HECTD4: variants seen among roughly 807,000 people sequenced by gnomAD.
The protein encoded by HECTD4 is probable E3 ubiquitin-protein ligase HECTD4.
A neutral mutation model predicts 471.5 loss-of-function variants in HECTD4; 114 were observed. That is an observed-to-expected ratio of 0.24 (90% CI 0.21 to 0.28). HECTD4 has a LOEUF of 0.28. Ranked by LOEUF, HECTD4 falls within the 10% of genes least tolerant of loss-of-function variation. The pLI is 1.00. For missense variants in HECTD4, 3,866 were observed against 5,651.5 expected, an observed-to-expected ratio of 0.68 and a Z score of 10.13; for synonymous variants, 2,012 against 2,256.0, an observed-to-expected ratio of 0.89 and a Z score of 3.07.
chr12:112,264,357 T>G, intron 16 of HECTD4, 145 bp from the exon 17 acceptor site: 2 of 671,532 alleles, frequency 3.0e-6, no homozygotes, highest in Non-Finnish European at 4.6e-6. Context: ...AGGTGCCTTA[T>G]TTCCACATGG....
In HECTD4 at chr12:112,270,180, G is replaced by A. The variant is rs376973227; in HGVS notation, c.2175+47C>T. 1.6e-5 allele frequency: 25 copies of A among 1,535,838 alleles called. No individual in the cohort carries two copies. In the African/African-American group the frequency reaches 1.6e-4, roughly 10 times the overall value. ...TGAACTGGCTGAAGCCAAGGTTTGC[G>A]TTTCCTTTTCTCTATCATCTTATTT... On this transcript the variant is annotated intron_variant, in intron 12 of 75. Transcript: ENST00000682272.
At chr12:112,246,408 C>A (rs566720720) in intron 29 of HECTD4, among the ~76,000 whole-genome samples, 1 of 152,036 alleles carries the variant, frequency 6.6e-6, no homozygotes, top group Non-Finnish European at 1.5e-5. Flanking sequence ...CCAAGGTGGG[C>A]GGATCACCAG....
intron 55 of HECTD4, 127 bp downstream of exon 55, chr12:112,200,511 C>G (rs1180819449): frequency 1.4e-5 from 14 of 1,005,414 alleles, no homozygotes; most frequent in Admixed American, 6.1e-5. Flanking sequence ...TCTTTATTAG[C>G]TGCCTTCTCT....
chr12:112,285,319 C>T (rs545171605), intron 7 of HECTD4, among the ~76,000 whole-genome samples: 47 of 152,266 alleles, frequency 3.1e-4, no homozygotes, highest in African/African-American at 1.1e-3. Flanking sequence ...AGACCTCCAC[C>T]TGGAATGCTC....
At chr12:112,254,290 A>G in intron 21 of HECTD4, 128 bp from the exon 22 acceptor site, 5 of 1,182,188 alleles carry the variant, frequency 4.2e-6, no homozygotes, top group South Asian at 1.6e-5. Flanking sequence ...TTATAGTATA[A>G]CTAATATTTC....
In HECTD4 at chr12:112,185,015, C is replaced by T; in HGVS notation, c.9951G>A (p.Met3317Ile). ...SLLSKRKKVK[M>I]KREKASSSGK... The stretch of plus-strand genomic sequence containing the variant: ...CCGACGAGGAGGCCTTTTCCCGCTT[C>T]ATCTTGACTTTTTTCCTCTTGGAGA... The change falls in exon 61 of 76, where the codon ATG (methionine) becomes ATA (isoleucine). Residue 3317 changes from methionine to isoleucine, a missense_variant. This residue lies in a region of HECTD4 where 57 missense variants were observed against 49.8 expected (regional missense o/e 1.14). Transcript: ENST00000682272. 6.2e-7 allele frequency: 1 copy of T among 1,606,304 alleles called. No individual in the cohort carries two copies. The highest frequency in any genetic ancestry group is 8.5e-7 in the Non-Finnish European group (1 of 1,176,418).
At chr12:112,288,619 A>G (rs2034808639) in intron 7 of HECTD4, among the ~76,000 whole-genome samples, 1 of 152,188 alleles carries the variant, frequency 6.6e-6, no homozygotes, top group South Asian at 2.1e-4. Context: ...ATAGAGCAAC[A>G]CAATGTCTCA....
chr12:112,165,541 C>T (rs1000880192), intron 72 of HECTD4, among the ~76,000 whole-genome samples: 9 of 151,828 alleles, frequency 5.9e-5, no homozygotes, highest in African/African-American at 9.7e-5. Flanking sequence ...TTAGTAGAGA[C>T]GGGGTTTCAC....
At chr12:112,266,823 G>C in intron 14 of HECTD4, 89 bp downstream of exon 14, 1 of 730,880 alleles carries the variant, frequency 1.4e-6, no homozygotes, top group South Asian at 1.6e-5. Flanking sequence ...CATACATGAA[G>C]AAGTGTAAAT....
At position 112,309,659 on chromosome 12, in the gene HECTD4, C is replaced by A; in HGVS notation, c.927G>T (p.Leu309Phe). The part of the protein sequence containing the change: ...GSSSENKDAD[L>F]GRCLTADGLY... Reference sequence around the variant, plus strand: ...GACCATCTGCCGTGAGACAGCGTCCCAAGTCAGCATCTGAAATCGTTTTTT... The same window carrying A: ...GACCATCTGCCGTGAGACAGCGTCCAAAGTCAGCATCTGAAATCGTTTTTT... The change falls in exon 5 of 76, where the codon TTG (leucine) becomes TTT (phenylalanine). Residue 309 changes from leucine (L) to phenylalanine (F), a missense_variant. By Grantham distance (22) the Leu-to-Phe change is conservative (BLOSUM62 0). Transcript: ENST00000682272. The A allele has an allele frequency of 6.6e-7, 1 of 1,517,298 alleles. No individual in the cohort carries two copies. Among genetic ancestry groups the A allele is most frequent in the Non-Finnish European group, 8.8e-7 (1 of 1,132,706 alleles). 94.0% of individuals were successfully genotyped at this position (1,517,298 alleles called of 1,614,324 possible).
At position 112,185,023 on chromosome 12, in the gene HECTD4, C is replaced by T; in HGVS notation, c.9943G>A (p.Val3315Ile). 1.2e-6 allele frequency: 2 copies of T among 1,600,808 alleles called. No individual in the cohort carries two copies. Among genetic ancestry groups the T allele is most frequent in the Non-Finnish European group, 1.7e-6 (2 of 1,173,766 alleles). The change falls in exon 61 of 76, where the codon GTC (valine) becomes ATC (isoleucine). Residue 3315 changes from valine to isoleucine, a missense_variant. This residue lies in a region of HECTD4 where 57 missense variants were observed against 49.8 expected (regional missense o/e 1.14). Transcript: ENST00000682272. ...GAGGCCTTTTCCCGCTTCATCTTGA[C>T]TTTTTTCCTCTTGGAGAGGAGGCTG... is the stretch of plus-strand genomic sequence containing the variant. ...SPSLLSKRKK[V>I]KMKREKASSS...
At chr12:112,379,863 A>G (rs1196320861) in intron 1 of HECTD4, among the ~76,000 whole-genome samples, 1 of 151,932 alleles carries the variant, frequency 6.6e-6, no homozygotes, top group Non-Finnish European at 1.5e-5. Flanking sequence ...ACTACCAGTC[A>G]TAAATGTTTA....
At chr12:112,225,550 G>A (rs1426847024) in intron 44 of HECTD4, among the ~76,000 whole-genome samples, 1 of 148,672 alleles carries the variant, frequency 6.7e-6, no homozygotes, top group Non-Finnish European at 1.5e-5. Flanking sequence ...AATGAACATG[G>A]TAAATGACAC....
chr12:112,295,141 A>AG (rs2034978482), intron 7 of HECTD4, among the ~76,000 whole-genome samples: 1 of 111,112 alleles, frequency 9.0e-6, no homozygotes, highest in East Asian at 9.5e-4. Flanking sequence ...CCCGTCTGAA[A>AG]AAAAAAAAGA....
At chr12:112,283,724 C>T (rs80234740) in intron 7 of HECTD4, among the ~76,000 whole-genome samples, 10,020 of 152,260 alleles carry the variant, frequency 0.066, 366 homozygotes, top group Middle Eastern at 0.16. Flanking sequence ...TCTTTATTAA[C>T]AGCAGTTAAC....
chr12:112,200,465 C>T (rs1045389597), intron 55 of HECTD4, among the ~76,000 whole-genome samples, 173 bp downstream of exon 55: 3 of 152,052 alleles, frequency 2.0e-5, no homozygotes, highest in African/African-American at 7.2e-5. Flanking sequence ...CTAGATCCCC[C>T]GACTTTTCTT....
intron 62 of HECTD4, among the ~76,000 whole-genome samples, chr12:112,182,795 A>G (rs935958701): frequency 7.2e-5 from 11 of 152,198 alleles, no homozygotes; most frequent in African/African-American, 2.7e-4. Flanking sequence ...GAGAAGGGGG[A>G]ACATTTCTTT....
intron 7 of HECTD4, among the ~76,000 whole-genome samples, chr12:112,296,037 C>T (rs1222536529): frequency 6.6e-6 from 1 of 152,192 alleles, no homozygotes; most frequent in African/African-American, 2.4e-5. Flanking sequence ...GTCCAATATT[C>T]CAGCACAAGG....
chr12:112,250,941 A>T (rs1420149491), intron 24 of HECTD4, 30 bp downstream of exon 24: 1 of 1,582,462 alleles, frequency 6.3e-7, no homozygotes, highest in South Asian at 1.2e-5. Context: ...TTTGCAGGCA[A>T]CACTAGCTCA....
Sources: allele counts gnomAD v4.1 joint callset (sites outside exome capture counted in the v4.1 genomes callset), GRCh38; gene constraint gnomAD v4.1.1; regional missense constraint gnomAD v4.1.1; transcripts MANE v1.5; gene names NCBI Gene and HGNC (gene_info 2026-07-23, HGNC 2026-07-21).